The following ROR1 variants were observed in gnomAD, a reference collection of about 807,000 sequenced individuals.
ROR1 encodes inactive tyrosine-protein kinase transmembrane receptor ROR1.
In ROR1, 19 loss-of-function variants were observed where a neutral mutation model predicts 78.8. The observed-to-expected ratio is 0.24, with a 90% CI of 0.17 to 0.35. ROR1 has a LOEUF of 0.35. Among genes scored for constraint, ROR1 ranks in the 10% least tolerant of loss-of-function variants. The pLI is 1.00. For synonymous variants in ROR1, 386 were observed against 433.6 expected (o/e 0.89, Z 1.36); for missense variants, 917 against 1,177.8 (o/e 0.78, Z 3.24).
intron 4 of ROR1, among the ~76,000 whole-genome samples, chr1:64,058,052 T>G (rs1456715384): frequency 6.6e-6 from 1 of 152,188 alleles, no homozygotes; most frequent in African/African-American, 2.4e-5. Flanking sequence ...TGCTCTCTTT[T>G]CTTAAGTTTA....
intron 1 of ROR1, among the ~76,000 whole-genome samples, chr1:63,926,319 A>T (rs1181855669): frequency 6.6e-6 from 1 of 151,296 alleles, no homozygotes; most frequent in Non-Finnish European, 1.5e-5. Flanking sequence ...AAGATCAGAT[A>T]GTTGTAGATA....
chr1:64,106,138 G>A (rs1170602603), intron 4 of ROR1: 2 of 152,058 alleles, frequency 1.3e-5, no homozygotes, highest in Non-Finnish European at 2.9e-5. Context: ...ATTTCCTTGA[G>A]CAGTAGTTTG....
intron 4 of ROR1, among the ~76,000 whole-genome samples, chr1:64,081,222 T>G (rs1029312785): frequency 6.6e-6 from 1 of 152,198 alleles, no homozygotes; most frequent in East Asian, 1.9e-4. Flanking sequence ...TCATTCAAAC[T>G]CTTAGAACCT....
intron 1 of ROR1, among the ~76,000 whole-genome samples, chr1:63,987,408 G>A (rs1160510084): frequency 6.6e-6 from 1 of 152,212 alleles, no homozygotes; most frequent in African/African-American, 2.4e-5. Context: ...CCAACTTAAC[G>A]CACTTGGTCT....
intron 4 of ROR1, among the ~76,000 whole-genome samples, chr1:64,079,323 G>C (rs1387404273): frequency 6.6e-6 from 1 of 152,076 alleles, no homozygotes; most frequent in Non-Finnish European, 1.5e-5. Context: ...CTGGAAATTT[G>C]GTATGCTTAA....
intron 1 of ROR1, among the ~76,000 whole-genome samples, chr1:63,901,088 A>G (rs1375108563): frequency 6.6e-6 from 1 of 152,142 alleles, no homozygotes; most frequent in Non-Finnish European, 1.5e-5. Flanking sequence ...CCCATTCTGT[A>G]TGACTTTTCT....
At chr1:63,841,275 T>C (rs1239355347) in intron 1 of ROR1, among the ~76,000 whole-genome samples, 1 of 152,246 alleles carries the variant, frequency 6.6e-6, no homozygotes, top group Non-Finnish European at 1.5e-5. Context: ...TAAATTCCGG[T>C]CTGGTGTATG....
intron 1 of ROR1, among the ~76,000 whole-genome samples, chr1:63,951,888 C>T (rs750995197): frequency 2.0e-5 from 3 of 150,506 alleles, no homozygotes; most frequent in African/African-American, 4.9e-5. Context: ...TTGGTGTAGA[C>T]GAGCTGTGCT....
intron 1 of ROR1, among the ~76,000 whole-genome samples, chr1:63,921,987 A>C (rs894453164): frequency 6.6e-6 from 1 of 152,162 alleles, no homozygotes; most frequent in African/African-American, 2.4e-5. Context: ...ACTTTGGTTT[A>C]TGTCTCTCTG....
At chr1:63,814,556 G>C (rs1394308626) in intron 1 of ROR1, among the ~76,000 whole-genome samples, 1 of 151,798 alleles carries the variant, frequency 6.6e-6, no homozygotes, top group Non-Finnish European at 1.5e-5. Flanking sequence ...AGAATCAGTG[G>C]GAGCCCTGAG....
chr1:63,874,497 A>G (rs968198413), intron 1 of ROR1, among the ~76,000 whole-genome samples: 1 of 152,098 alleles, frequency 6.6e-6, no homozygotes, highest in Non-Finnish European at 1.5e-5. Flanking sequence ...GGGTGCTGAG[A>G]TGGTTGGTCT....
intron 4 of ROR1, among the ~76,000 whole-genome samples, chr1:64,122,714 A>G (rs867092734): frequency 2.0e-5 from 3 of 152,192 alleles, no homozygotes; most frequent in Non-Finnish European, 4.4e-5. Context: ...TCCTTCAAGC[A>G]TTTGAACGAT....
Position 64,106,420 on chromosome 1 carries a change from C to A in ROR1, c.483-30949C>A, listed in dbSNP as rs559050265. ...TTGTCTGCAAATAGAGACAATTTGA[C>A]TCTCTCTCTTCCTATTAGAATATGC... On this transcript the variant is annotated intron_variant, in intron 4 of 8. Transcript: ENST00000371079. 5.3e-5 allele frequency: 8 copies of A among 152,276 alleles called. 2 individuals carry two copies. The highest frequency in any genetic ancestry group is 1.9e-4 in the African/African-American group (8 of 41,560). 9.4% of individuals were successfully genotyped at this position (152,276 alleles called of 1,614,324 possible). A position where few individuals can be genotyped will look rare whatever the true frequency, so the allele number is the denominator to read the frequency against.
chr1:63,823,014 T>C (rs906625230), intron 1 of ROR1, among the ~76,000 whole-genome samples: 4 of 152,004 alleles, frequency 2.6e-5, no homozygotes, highest in Non-Finnish European at 5.9e-5. Flanking sequence ...ACTGATGCCA[T>C]GTATTGTCAT....
In ROR1 at chr1:64,179,024, GAAAAAAA is replaced by G; in HGVS notation, c.*185_*191del. The G allele has an allele frequency of 5.7e-5, 9 of 156,890 alleles. No individual in the cohort carries two copies. The highest frequency in any genetic ancestry group is 1.6e-4 in the South Asian group (2 of 12,508). 9.7% of individuals were successfully genotyped at this position (156,890 alleles called of 1,614,324 possible). ...ACCAAGCAGGACAGACACTCGGCCAGAAAAAAAAAAAAAAAAAAAAAACAAGCAAACA... is the reference window on the plus strand; with the variant it reads ...ACCAAGCAGGACAGACACTCGGCCAGAAAAAAAAAAAAAAACAAGCAAACA... On this transcript the variant is annotated 3_prime_UTR_variant, in exon 9 of 9. Transcript: ENST00000371079.
chr1:63,927,959 CTTT>C lies in ROR1; in HGVS notation c.92-81331_92-81329del, dbSNP rs71056016. ...GAGAAACCAAAATGTAAGGGGTTCC[CTTT>C]TTTTTTTTTTTTTTGCCAGCCAGCC... On this transcript the variant is annotated intron_variant, in intron 1 of 8. Coordinates refer to ENST00000371079, the MANE Select transcript of ROR1 (RefSeq NM_005012.4). Among the ~76,000 whole-genome samples the C allele has an allele frequency of 2.8e-3, 380 of 134,108 alleles. 1 individual carries two copies. Among genetic ancestry groups the C allele is most frequent in the African/African-American group, 7.4e-3 (285 of 38,522 alleles). 88.0% of individuals were successfully genotyped at this position (134,108 alleles called of 152,430 possible). A position where few individuals can be genotyped will look rare whatever the true frequency, so the allele number is the denominator to read the frequency against.
chr1:64,055,651 T>G (rs181678304), intron 4 of ROR1, among the ~76,000 whole-genome samples: 5 of 152,364 alleles, frequency 3.3e-5, no homozygotes, highest in Admixed American at 2.0e-4. Context: ...ATATATTCCC[T>G]GTGTATTTTT....
chr1:64,088,136 CTT>C (rs1031133290), intron 4 of ROR1, among the ~76,000 whole-genome samples: 4 of 152,178 alleles, frequency 2.6e-5, no homozygotes, highest in Non-Finnish European at 5.9e-5. Flanking sequence ...AGTTCAGTCT[CTT>C]TGCTCAAAAG....
At chr1:64,006,322 C>T (rs1045898394) in intron 1 of ROR1, among the ~76,000 whole-genome samples, 3 of 152,122 alleles carry the variant, frequency 2.0e-5, no homozygotes, top group African/African-American at 7.2e-5. Flanking sequence ...TCCCTGAAGT[C>T]TGGGTGTCGG....
Sources: allele counts gnomAD v4.1 joint callset (sites outside exome capture counted in the v4.1 genomes callset), GRCh38; gene constraint gnomAD v4.1.1; transcripts MANE v1.5; gene names NCBI Gene and HGNC (gene_info 2026-07-23, HGNC 2026-07-21).